Variants in TBC1D5 observed in about 807,000 individuals in gnomAD.
TBC1D5 encodes the protein TBC1 domain family member 5.
Under a neutral mutation model 100.3 loss-of-function variants are expected in TBC1D5, and 75 were observed. The ratio of observed to expected loss-of-function variants is 0.75; its 90% CI spans 0.62 to 0.91. The LOEUF is 0.91. TBC1D5 is among the 40% of genes least tolerant of loss of function. The pLI, the probability that TBC1D5 is intolerant of heterozygous loss-of-function variation, is 0.00. For missense variants in TBC1D5, 910 were observed against 942.4 expected, an observed-to-expected ratio of 0.97 and a Z score of 0.45; for synonymous variants, 323 against 325.6, an observed-to-expected ratio of 0.99 and a Z score of 0.09.
intron 4 of TBC1D5, among the ~76,000 whole-genome samples, chr3:17,425,204 A>G (rs2094308042): frequency 6.6e-6 from 1 of 152,226 alleles, no homozygotes; most frequent in Non-Finnish European, 1.5e-5. Context: ...TTATCTGATT[A>G]AACTCCTCAT....
At chr3:17,304,732 G>A (rs1223271410) in intron 14 of TBC1D5, among the ~76,000 whole-genome samples, 1 of 152,156 alleles carries the variant, frequency 6.6e-6, no homozygotes, top group Non-Finnish European at 1.5e-5. Context: ...TCATGGAACA[G>A]GGTGGGGAAA....
intron 16 of TBC1D5, among the ~76,000 whole-genome samples, chr3:17,249,123 C>A (rs2076980478): frequency 6.6e-6 from 1 of 152,198 alleles, no homozygotes; most frequent in Non-Finnish European, 1.5e-5. Flanking sequence ...GTCTGATTGT[C>A]TACCCAGACC....
At chr3:17,547,727 T>C (rs1200954510) in intron 2 of TBC1D5, among the ~76,000 whole-genome samples, 1 of 152,154 alleles carries the variant, frequency 6.6e-6, no homozygotes, top group Non-Finnish European at 1.5e-5. Context: ...AATTCACAAA[T>C]GGAAATGTTA....
intron 13 of TBC1D5, among the ~76,000 whole-genome samples, chr3:17,335,410 C>G (rs1250274230): frequency 1.3e-5 from 2 of 152,080 alleles, no homozygotes; most frequent in African/African-American, 4.8e-5. Context: ...TCCTATCTTT[C>G]TAGATCTTTC....
At chr3:17,673,785 A>C (rs901231336) in intron 1 of TBC1D5, among the ~76,000 whole-genome samples, 2 of 152,306 alleles carry the variant, frequency 1.3e-5, no homozygotes, top group African/African-American at 4.8e-5. Context: ...AATCTAAGAC[A>C]CTAAAAATTC....
At chr3:17,577,136 AC>A (rs1262037525) in intron 2 of TBC1D5, among the ~76,000 whole-genome samples, 1 of 151,954 alleles carries the variant, frequency 6.6e-6, no homozygotes, top group Non-Finnish European at 1.5e-5. Flanking sequence ...GAGGGGAACT[AC>A]ACCTACAGTA....
intron 18 of TBC1D5, among the ~76,000 whole-genome samples, chr3:17,190,126 G>A (rs544545231): frequency 1.3e-5 from 2 of 152,202 alleles, no homozygotes; most frequent in South Asian, 4.2e-4. Context: ...TTAAAAAGAG[G>A]ATAAACTTTC....
chr3:17,585,340 T>C (rs919958508), intron 2 of TBC1D5, among the ~76,000 whole-genome samples: 1 of 152,122 alleles, frequency 6.6e-6, no homozygotes, highest in Non-Finnish European at 1.5e-5. Flanking sequence ...GGCATCAGGA[T>C]GCACATACAA....
At chr3:17,254,740 A>C (rs1224182325) in intron 16 of TBC1D5, among the ~76,000 whole-genome samples, 1 of 108,646 alleles carries the variant, frequency 9.2e-6, no homozygotes, top group Non-Finnish European at 1.7e-5. Context: ...ATCTTTGCCT[A>C]CCCTTTGTCT....
At chr3:17,345,106 A>T (rs1244279098) in intron 13 of TBC1D5, among the ~76,000 whole-genome samples, 1 of 152,166 alleles carries the variant, frequency 6.6e-6, no homozygotes, top group East Asian at 1.9e-4. Flanking sequence ...GCACAGCAAA[A>T]GAAACTACCA....
At chr3:17,297,353 G>C (rs1167356633) in intron 14 of TBC1D5, among the ~76,000 whole-genome samples, 1 of 152,126 alleles carries the variant, frequency 6.6e-6, no homozygotes, top group Non-Finnish European at 1.5e-5. Flanking sequence ...AAGGTGGGCG[G>C]ATCATGAGGT....
chr3:17,739,381 A>C (rs956963992), exon 1 of TBC1D5: 1 of 152,224 alleles, frequency 6.6e-6, no homozygotes, highest in African/African-American at 2.4e-5. Context: ...TTTCAGCGTT[A>C]AAATGTGATA....
At chr3:17,217,502 C>T (rs1043779245) in intron 17 of TBC1D5, among the ~76,000 whole-genome samples, 12 of 152,038 alleles carry the variant, frequency 7.9e-5, no homozygotes, top group Non-Finnish European at 1.2e-4. Context: ...TATTGTATAA[C>T]GGTTCCAATT....
exon 1 of TBC1D5, chr3:17,740,555 A>G (rs2077343221): frequency 6.6e-6 from 1 of 152,222 alleles, no homozygotes; most frequent in East Asian, 1.9e-4. Flanking sequence ...CCATTTCTCC[A>G]TAAAGTGTTA....
chr3:17,279,201 T>A (rs2080329847), intron 15 of TBC1D5, among the ~76,000 whole-genome samples: 1 of 152,254 alleles, frequency 6.6e-6, no homozygotes, highest in Non-Finnish European at 1.5e-5. Flanking sequence ...TATTTGGCAA[T>A]TCTTTTAAGT....
chr3:17,599,913 A>T (rs952261223), intron 2 of TBC1D5, among the ~76,000 whole-genome samples: 1 of 152,248 alleles, frequency 6.6e-6, no homozygotes, highest in African/African-American at 2.4e-5. Context: ...GAAAAAAAGC[A>T]GGATACTATA....
intron 2 of TBC1D5, among the ~76,000 whole-genome samples, chr3:17,579,683 C>T (rs886618310): frequency 1.3e-5 from 2 of 152,116 alleles, no homozygotes; most frequent in Admixed American, 6.6e-5. Flanking sequence ...ATTTTCCTCA[C>T]ATCATCCAAT....
intron 2 of TBC1D5, among the ~76,000 whole-genome samples, chr3:17,615,312 C>T (rs935704700): frequency 2.6e-5 from 4 of 152,096 alleles, no homozygotes; most frequent in East Asian, 1.9e-4. Context: ...ATTTTTGCAT[C>T]GATGATCATC....
At chr3:17,566,033 T>G (rs1401515177) in intron 2 of TBC1D5, among the ~76,000 whole-genome samples, 3 of 151,952 alleles carry the variant, frequency 2.0e-5, no homozygotes, top group Non-Finnish European at 4.4e-5. Flanking sequence ...AAGTGACAAT[T>G]TCCTCATTCA....
Sources: allele counts gnomAD v4.1 joint callset (sites outside exome capture counted in the v4.1 genomes callset), GRCh38; gene constraint gnomAD v4.1.1; transcripts MANE v1.5; gene names NCBI Gene and HGNC (gene_info 2026-07-23, HGNC 2026-07-21).